The following IL21R variants were observed in gnomAD, a reference collection of about 807,000 sequenced individuals.
The protein encoded by IL21R is interleukin 21 receptor, also known as interleukin-21 receptor.
IL21R carries 14 observed loss-of-function variants against 41.3 expected under a neutral mutation model. The ratio of observed to expected loss-of-function variants is 0.34; its 90% CI spans 0.22 to 0.53. IL21R has a LOEUF of 0.53. Among genes scored for constraint, IL21R ranks in the 20% least tolerant of loss-of-function variants. The pLI, the probability that IL21R is intolerant of heterozygous loss-of-function variation, is 0.94. For synonymous variants in IL21R, 286 were observed against 287.6 expected, an observed-to-expected ratio of 0.99 and a Z score of 0.05; for missense variants, 588 against 681.6, an observed-to-expected ratio of 0.86 and a Z score of 1.53.
chr16:27,408,027 T>C (rs1478789872), intron 1 of IL21R, among the ~76,000 whole-genome samples: 1 of 152,128 alleles, frequency 6.6e-6, no homozygotes, highest in East Asian at 1.9e-4. Flanking sequence ...ATTTAGTCAC[T>C]CATGTAGCAA....
intron 1 of IL21R, among the ~76,000 whole-genome samples, chr16:27,407,981 G>A (rs2086773552): frequency 6.6e-6 from 1 of 152,218 alleles, no homozygotes; most frequent in South Asian, 2.1e-4. Flanking sequence ...GATAATGTTT[G>A]TTCACAATTC....
chr16:27,410,710 T>C (rs962166049), intron 1 of IL21R, among the ~76,000 whole-genome samples: 3 of 152,238 alleles, frequency 2.0e-5, no homozygotes, highest in Non-Finnish European at 2.9e-5. Context: ...TAACAATTTT[T>C]AGATGTGCAG....
chr16:27,440,269 AGAGAGAGAGAGC>A (rs2087362625), intron 4 of IL21R, among the ~76,000 whole-genome samples: 1 of 139,366 alleles, frequency 7.2e-6, no homozygotes, highest in African/African-American at 2.9e-5. Flanking sequence ...AGAGAGAGAG[AGAGAGAGAGAGC>A]GAGCAAGCGC....
At chr16:27,442,156 G>A (rs948222376) in intron 4 of IL21R, among the ~76,000 whole-genome samples, 5 of 152,178 alleles carry the variant, frequency 3.3e-5, no homozygotes, top group Admixed American at 2.0e-4. Context: ...ATTTGTGTGT[G>A]TGCATGCTGT....
intron 1 of IL21R, among the ~76,000 whole-genome samples, chr16:27,429,447 G>A (rs567723734): frequency 3.4e-4 from 51 of 152,126 alleles, no homozygotes; most frequent in African/African-American, 1.1e-3. Flanking sequence ...GCTCAGCAAG[G>A]GCAAAATAGT....
intron 8 of IL21R, 123 bp from the exon 9 acceptor site, chr16:27,448,411 C>A: frequency 9.8e-7 from 1 of 1,017,780 alleles, no homozygotes. Flanking sequence ...ACCGAGATGG[C>A]ACCACTGCAT....
intron 1 of IL21R, among the ~76,000 whole-genome samples, chr16:27,421,335 C>A (rs918324926): frequency 0.01 from 854 of 83,974 alleles, no homozygotes; most frequent in Admixed American, 0.013. Context: ...TCAATTTCTG[C>A]AAAAAAAAAA....
rs147984317 is a variant in IL21R at position 27,448,894 on chromosome 16, C to T, written c.1228C>T (p.Pro410Ser). ...PALDLDAGLE[P>S]SPGLEDPLLD... is the part of the protein sequence containing the mutation. ...CCTGGACCTGGATGCTGGCCTGGAG[C>T]CCAGCCCAGGCCTAGAGGACCCACT... The change falls in exon 9 of 9, where the codon CCC becomes TCC. Residue 410 changes from proline (P) to serine (S), a missense_variant. Coordinates refer to ENST00000337929, the MANE Select transcript of IL21R (RefSeq NM_181078.3). 1.9e-6 allele frequency: 3 copies of T among 1,611,820 alleles called. No individual in the cohort carries two copies. The highest frequency in any genetic ancestry group is 1.3e-5 in the African/African-American group (1 of 75,010).
intron 1 of IL21R, among the ~76,000 whole-genome samples, chr16:27,421,309 T>C: frequency 7.0e-6 from 1 of 142,736 alleles, no homozygotes; most frequent in Non-Finnish European, 1.5e-5. Context: ...TCCCTATAAA[T>C]TTTAGGACTA....
chr16:27,441,103 A>T (rs559632920), intron 4 of IL21R, among the ~76,000 whole-genome samples: 1 of 150,920 alleles, frequency 6.6e-6, no homozygotes, highest in South Asian at 2.1e-4. Context: ...GAGGGAGGGA[A>T]GGAGGGAGAA....
chr16:27,434,511 C>T, intron 3 of IL21R, 62 bp downstream of exon 3: 1 of 1,034,250 alleles, frequency 9.7e-7, no homozygotes, highest in East Asian at 2.5e-5. Flanking sequence ...TCAGTGATTC[C>T]CCCAGGAGGA....
At chr16:27,410,610 C>T (rs937790149) in intron 1 of IL21R, among the ~76,000 whole-genome samples, 5 of 152,180 alleles carry the variant, frequency 3.3e-5, no homozygotes, top group Admixed American at 6.5e-5. Flanking sequence ...TGGATCCTTT[C>T]CTTTGCTAAT....
At chr16:27,403,109 T>G (rs1263269476) in intron 1 of IL21R, 1 of 662,552 alleles carries the variant, frequency 1.5e-6, no homozygotes, top group Non-Finnish European at 2.5e-6. Flanking sequence ...AGAGGTAGAG[T>G]GATTTTCCCT....
chr16:27,435,136 G>A (rs1434642206), intron 3 of IL21R, among the ~76,000 whole-genome samples: 1 of 152,100 alleles, frequency 6.6e-6, no homozygotes, highest in African/African-American at 2.4e-5. Context: ...GCACAATCCT[G>A]TAATCCCAGC....
chr16:27,438,280 A>T (rs2087309338), intron 4 of IL21R, among the ~76,000 whole-genome samples: 1 of 151,876 alleles, frequency 6.6e-6, no homozygotes, highest in Non-Finnish European at 1.5e-5. Context: ...AATGGACGAC[A>T]CTGAGTTACA....
Position 27,444,670 on chromosome 16 carries a change from G to C in IL21R, c.636G>C (p.Gly212=), listed in dbSNP as rs1425339626. ...CCATGCCTGGCTCCTCCTACCAGGG[G>C]ACCTGGAGTGAATGGAGTGACCCGG... ...AGPMPGSSYQ[G]TWSEWSDPVI... The change falls in exon 6 of 9, where the codon GGG becomes GGC. Residue 212 remains glycine, a synonymous_variant. Coordinates refer to ENST00000337929, the MANE Select transcript of IL21R (RefSeq NM_181078.3). 3 of 1,564,904 alleles carry C rather than the reference G, an allele frequency of 1.9e-6. No homozygotes were observed. The highest frequency in any genetic ancestry group is 2.6e-6 in the Non-Finnish European group (3 of 1,156,160).
intron 5 of IL21R, among the ~76,000 whole-genome samples, 177 bp from the exon 6 acceptor site, chr16:27,444,365 G>A (rs1429803302): frequency 6.6e-5 from 10 of 152,222 alleles, no homozygotes; most frequent in Admixed American, 6.5e-4. Flanking sequence ...GGCAGTGCTG[G>A]TGAGTCTGTG....
At chr16:27,428,434 G>A (rs1008451102) in intron 1 of IL21R, among the ~76,000 whole-genome samples, 2 of 152,256 alleles carry the variant, frequency 1.3e-5, no homozygotes, top group Non-Finnish European at 2.9e-5. Context: ...GTGGAGTCAG[G>A]GATGGCGTCT....
intron 1 of IL21R, among the ~76,000 whole-genome samples, chr16:27,413,478 G>A (rs923173618): frequency 2.0e-4 from 31 of 151,882 alleles, no homozygotes; most frequent in Admixed American, 9.2e-4. Flanking sequence ...GTTTGGAAGT[G>A]TTCCCTACTG....
Sources: gnomAD v4.1 joint callset for allele counts (sites outside exome capture counted in the v4.1 genomes callset) on GRCh38, gnomAD v4.1.1 for gene constraint, MANE v1.5 for transcripts, NCBI Gene and HGNC (gene_info 2026-07-23, HGNC 2026-07-21) for gene names.